The following DOCK7 variants were observed in gnomAD, a reference collection of about 807,000 sequenced individuals.
DOCK7 encodes the protein dedicator of cytokinesis protein 7.
A neutral mutation model predicts 271.0 loss-of-function variants in DOCK7; 138 were observed. The observed-to-expected ratio is 0.51, with a 90% CI of 0.44 to 0.59. DOCK7 has a LOEUF of 0.59. DOCK7 is among the 20% of genes least tolerant of loss of function. The pLI, the probability that DOCK7 is intolerant of heterozygous loss-of-function variation, is 0.00. For synonymous variants in DOCK7, 823 were observed against 876.1 expected (o/e 0.94, Z 1.07); for missense variants, 2,066 against 2,592.4 (o/e 0.80, Z 4.41).
intron 18 of DOCK7, among the ~76,000 whole-genome samples, chr1:62,563,493 T>C (rs1210224975): frequency 6.6e-6 from 1 of 152,076 alleles, no homozygotes; most frequent in Admixed American, 6.6e-5. Flanking sequence ...ATTATGAATG[T>C]CTTTTAAACA....
In DOCK7 at chr1:62,513,718, T is replaced by C. The variant is rs764777360; in HGVS notation, c.4117A>G (p.Lys1373Glu). 2 of 1,613,524 alleles carry C rather than the reference T, an allele frequency of 1.2e-6. No individual in the cohort carries two copies. The highest frequency in any genetic ancestry group is 1.7e-6 in the Non-Finnish European group (2 of 1,179,872). ...GCAATGGTACAATGACCACTTACTTTATACTCAAAGCAAGACACACAGAGA... is the reference window on the plus strand; with the variant it reads ...GCAATGGTACAATGACCACTTACTTCATACTCAAAGCAAGACACACAGAGA... ...LYLCVSCFEY[K>E]GKKVFERMNS... is the part of the protein sequence containing the mutation. The change falls in exon 32 of 50, where the codon AAA becomes GAA. Residue 1373 changes from lysine (K) to glutamate (E), a missense_variant and splice_region_variant. Around this residue, in one of 2 missense-constraint regions of DOCK7, gnomAD observed 1,414 missense variants for 1,670.4 expected, o/e 0.85. Coordinates refer to ENST00000635253, the MANE Select transcript of DOCK7 (RefSeq NM_001367561.1).
intron 48 of DOCK7, 65 bp from the exon 49 acceptor site, chr1:62,457,770 A>G (rs929660148): frequency 8.1e-6 from 12 of 1,478,864 alleles, no homozygotes; most frequent in Non-Finnish European, 1.0e-5. Context: ...AATGCCATAC[A>G]CACGCAAAAT....
chr1:62,575,161 T>C (rs901333287), intron 18 of DOCK7, among the ~76,000 whole-genome samples: 8 of 152,174 alleles, frequency 5.3e-5, no homozygotes, highest in African/African-American at 1.9e-4. Context: ...CTCAAGAAGC[T>C]GGGATTACAG....
rs1025580310 is a variant in DOCK7 at position 62,510,929 on chromosome 1, G to A, written c.4283-256C>T. 3.6e-5 allele frequency: 13 copies of A among 363,510 alleles called. 1 individual carries two copies. Among genetic ancestry groups the A allele is most frequent in the Admixed American group, 2.2e-4 (5 of 22,914 alleles). 22.5% of individuals were successfully genotyped at this position (363,510 alleles called of 1,614,324 possible). A position where few individuals can be genotyped will look rare whatever the true frequency, so the allele number is the denominator to read the frequency against. The stretch of plus-strand genomic sequence containing the variant: ...TAAATAAGCAAATGTTCTAACATTG[G>A]TTTGCTTAAAATCTTAACCATGGCT... On this transcript the variant is annotated intron_variant, in intron 33 of 49. Transcript: ENST00000635253.
At chr1:62,529,711 C>A (rs1243526657) in intron 29 of DOCK7, among the ~76,000 whole-genome samples, 1 of 152,156 alleles carries the variant, frequency 6.6e-6, no homozygotes, top group Non-Finnish European at 1.5e-5. Flanking sequence ...AATATTTTTA[C>A]ATTAACTCCT....
chr1:62,565,671 C>T lies in DOCK7; in HGVS notation c.2113-3968G>A, dbSNP rs564424636. ...GGCACAAGACAAGGATGCCCTCTCT[C>T]ACCACTCCTATTCAACACAGTATTG... On this transcript the variant is annotated intron_variant, in intron 18 of 49. Transcript: ENST00000635253. 4.5e-3 allele frequency among the ~76,000 whole-genome samples: 686 copies of T among 152,294 alleles called. 6 individuals carry two copies. The highest frequency in any genetic ancestry group is 0.016 in the African/African-American group (663 of 41,552).
chr1:62,528,418 G>A, intron 30 of DOCK7, 113 bp from the exon 31 acceptor site: 1 of 948,072 alleles, frequency 1.1e-6, no homozygotes, highest in Admixed American at 3.3e-5. Context: ...ATAGTTATTA[G>A]ATTTACTTCT....
At chr1:62,592,200 G>C (rs1648551425) in intron 14 of DOCK7, among the ~76,000 whole-genome samples, 7 of 152,060 alleles carry the variant, frequency 4.6e-5, no homozygotes, top group Admixed American at 3.9e-4. Context: ...AATCTAGTAA[G>C]TCTTTACATT....
chr1:62,585,464 C>T (rs774377256), intron 15 of DOCK7, among the ~76,000 whole-genome samples: 31 of 152,158 alleles, frequency 2.0e-4, no homozygotes, highest in Non-Finnish European at 3.2e-4. Flanking sequence ...CTGACTTCAG[C>T]TGAGCCAAAA....
chr1:62,582,252 A>G (rs1446793390), intron 16 of DOCK7, among the ~76,000 whole-genome samples: 1 of 152,208 alleles, frequency 6.6e-6, no homozygotes, highest in Non-Finnish European at 1.5e-5. Context: ...GTGTTAAAAC[A>G]ATAAGATTAT....
At chr1:62,566,577 T>C (rs1247768127) in intron 18 of DOCK7, among the ~76,000 whole-genome samples, 3 of 152,096 alleles carry the variant, frequency 2.0e-5, no homozygotes, top group Admixed American at 1.3e-4. Flanking sequence ...ACATAAGACC[T>C]AACACCATAA....
At chr1:62,536,857 T>C (rs555072859) in intron 28 of DOCK7, among the ~76,000 whole-genome samples, 3 of 152,270 alleles carry the variant, frequency 2.0e-5, no homozygotes, top group African/African-American at 4.8e-5. Context: ...AAGGAAAATA[T>C]AGGCTTCTCT....
intron 1 of DOCK7, among the ~76,000 whole-genome samples, chr1:62,665,496 G>C (rs907904346): frequency 6.6e-6 from 1 of 151,682 alleles, no homozygotes; most frequent in African/African-American, 2.4e-5. Flanking sequence ...ACGAGGTCAA[G>C]AAATCGGGAC....
At chr1:62,629,591 G>C (rs1654369472) in intron 11 of DOCK7, 1 of 152,212 alleles carries the variant, frequency 6.6e-6, no homozygotes, top group South Asian at 2.1e-4. Context: ...GACTCTGGGG[G>C]AATGAGGAGT....
chr1:62,542,573 A>G (rs765146088), intron 25 of DOCK7, 35 bp downstream of exon 25: 2 of 1,576,708 alleles, frequency 1.3e-6, no homozygotes, highest in Admixed American at 1.9e-5. Flanking sequence ...CACTAAGAGA[A>G]AAAATATTAA....
At chr1:62,634,116 G>A (rs1026705664) in intron 9 of DOCK7, among the ~76,000 whole-genome samples, 19 of 151,518 alleles carry the variant, frequency 1.3e-4, no homozygotes, top group Admixed American at 3.9e-4. Flanking sequence ...ATGAGGAATC[G>A]AAAAAGGAAA....
intron 1 of DOCK7, among the ~76,000 whole-genome samples, chr1:62,686,817 T>C (rs1031837926): frequency 4.0e-5 from 6 of 151,846 alleles, no homozygotes; most frequent in East Asian, 3.9e-4. Flanking sequence ...GTAGAGCCCA[T>C]GCTCTTAAAC....
At chr1:62,607,316 A>T (rs1651146624) in intron 14 of DOCK7, among the ~76,000 whole-genome samples, 1 of 152,180 alleles carries the variant, frequency 6.6e-6, no homozygotes, top group Non-Finnish European at 1.5e-5. Context: ...ATCCATTAAT[A>T]TGACCAGCAT....
chr1:62,521,111 G>A (rs550240584), intron 31 of DOCK7, among the ~76,000 whole-genome samples: 4 of 152,146 alleles, frequency 2.6e-5, no homozygotes, highest in South Asian at 2.1e-4. Flanking sequence ...AGGGGGTAGG[G>A]GGGTAGGGGA....
Sources: allele counts gnomAD v4.1 joint callset (sites outside exome capture counted in the v4.1 genomes callset), GRCh38; gene constraint gnomAD v4.1.1; regional missense constraint gnomAD v4.1.1; transcripts MANE v1.5; gene names NCBI Gene and HGNC (gene_info 2026-07-23, HGNC 2026-07-21).